The following TLCD3A variants were observed in gnomAD, a reference collection of about 807,000 sequenced individuals.
TLCD3A encodes TLC domain-containing protein 3A.
TLCD3A carries 17 observed loss-of-function variants against 29.9 expected under a neutral mutation model. The observed-to-expected ratio is 0.57, with a 90% confidence interval of 0.39 to 0.85. The LOEUF (loss-of-function observed/expected upper bound fraction) is 0.85. TLCD3A is among the 40% of genes least tolerant of loss of function. The probability of loss-of-function intolerance (pLI) is 0.00; values close to 1 mark genes in which losing one functional copy is unlikely to be tolerated. For missense variants in TLCD3A, 332 were observed against 350.8 expected (o/e 0.95, Z 0.43); for synonymous variants, 143 against 147.7 (o/e 0.97, Z 0.23).
Position 740,586 on chromosome 17 carries a change from A to G in TLCD3A, c.490A>G (p.Arg164Gly). ...GAGCACTCCGTTTGTGTCGCTGGGC[A>G]GGGTTCTGATTCAGGCATGTATGAA... ...ELSTPFVSLG[R>G]VLIQLKQQHT... is the part of the protein sequence containing the mutation. Residue 164 changes from arginine (R) to glycine (G), a missense_variant, in exon 4 of 5, where the codon AGG (arginine) becomes GGG (glycine). By Grantham distance (125) the Arg-to-Gly change is moderately radical. Coordinates refer to ENST00000308278, the MANE Select transcript of TLCD3A (RefSeq NM_024792.3). 1 of 1,613,950 alleles carries G rather than the reference A, an allele frequency of 6.2e-7. No homozygotes were observed. Among genetic ancestry groups the G allele is most frequent in the Non-Finnish European group, 8.5e-7 (1 of 1,179,928 alleles).
intron 2 of TLCD3A, among the ~76,000 whole-genome samples, chr17:737,104 C>T (rs997696903): frequency 1.3e-5 from 2 of 151,534 alleles, no homozygotes; most frequent in African/African-American, 2.4e-5. Flanking sequence ...CTCCGCCTCC[C>T]GGGTTCAAGT....
In TLCD3A at chr17:742,038, G is replaced by T; in HGVS notation, c.*468G>T. The T allele has an allele frequency of 5.3e-6, 1 of 187,588 alleles. No homozygotes were observed. Among genetic ancestry groups the T allele is most frequent in the Non-Finnish European group, 1.1e-5 (1 of 89,708 alleles). The allele number at this position is 187,588 out of a possible 1,614,324, so 11.6% of individuals were successfully genotyped here. A position where few individuals can be genotyped will look rare whatever the true frequency, so the allele number is the denominator to read the frequency against. ...AATGTCGTCTTGTGACATTGGCCTG[G>T]GACAATCATTGTGGGTAGGTAGTTA... On this transcript the variant is annotated 3_prime_UTR_variant, in exon 5 of 5. Coordinates refer to ENST00000308278, the MANE Select transcript of TLCD3A (RefSeq NM_024792.3).
At position 737,957 on chromosome 17, in the gene TLCD3A, C is replaced by G. The variant is rs369232580; in HGVS notation, c.318C>G (p.Pro106=). The stretch of plus-strand genomic sequence containing the variant: ...GAACCAGAGACCAGAACCGTGCGCC[C>G]TCCCTCACTCTTCGAAACTTCCTAA... ...WCRTRDQNRA[P]SLTLRNFLSR... is the part of the protein sequence containing the mutation. The change falls in exon 3 of 5, where the codon CCC becomes CCG. Residue 106 remains proline (P), a synonymous_variant. Transcript: ENST00000308278. The G allele has an allele frequency of 2.4e-5, 38 of 1,614,126 alleles. No homozygotes were observed. The highest frequency in any genetic ancestry group is 3.2e-5 in the Non-Finnish European group (38 of 1,180,030).
intron 1 of TLCD3A, 33 bp downstream of exon 1, chr17:732,802 C>T: frequency 1.4e-6 from 2 of 1,430,576 alleles, no homozygotes; most frequent in Non-Finnish European, 1.8e-6. Context: ...CCCCGAGGCC[C>T]GGGGCGCTGC....
At chr17:733,944 G>C (rs1310298555) in intron 2 of TLCD3A, among the ~76,000 whole-genome samples, 3 of 152,194 alleles carry the variant, frequency 2.0e-5, no homozygotes, top group Admixed American at 2.0e-4. Flanking sequence ...GCCAAGTCCT[G>C]CTTCTCACCT....
At chr17:733,067 G>A (rs778380963) in intron 1 of TLCD3A, 31 bp from the exon 2 acceptor site, 2 of 1,521,688 alleles carry the variant, frequency 1.3e-6, no homozygotes, top group South Asian at 2.4e-5. Context: ...ACCGGACTGA[G>A]CGCGCGCGCT....
chr17:740,206 T>C (rs1223536358), intron 3 of TLCD3A, among the ~76,000 whole-genome samples: 1 of 152,088 alleles, frequency 6.6e-6, no homozygotes, highest in African/African-American at 2.4e-5. Context: ...ACAGGCTGAG[T>C]GTCTTGGCAT....
At chr17:735,439 A>G (rs1974139252) in intron 2 of TLCD3A, among the ~76,000 whole-genome samples, 1 of 152,238 alleles carries the variant, frequency 6.6e-6, no homozygotes. Flanking sequence ...TATAATCCAG[A>G]TCTCTTGCTA....
intron 2 of TLCD3A, 83 bp downstream of exon 2, chr17:733,264 GAAAGCTGACTAATGGGA>G: frequency 7.7e-7 from 1 of 1,296,936 alleles, no homozygotes; most frequent in South Asian, 1.5e-5. Context: ...CACGCGCTCA[GAAAGCTGACTAATGGGA>G]AAAGCTGGCA....
intron 2 of TLCD3A, among the ~76,000 whole-genome samples, chr17:733,904 C>T (rs976640469): frequency 1.3e-5 from 2 of 152,216 alleles, no homozygotes; most frequent in African/African-American, 4.8e-5. Context: ...GTTGAACGGC[C>T]TTTCCAGGCC....
In TLCD3A at chr17:741,752, T is replaced by C. The variant is rs530952790; in HGVS notation, c.*182T>C. 6.6e-5 allele frequency: 47 copies of C among 715,314 alleles called. No homozygotes were observed. Among genetic ancestry groups the C allele is most frequent in the Non-Finnish European group, 1.0e-4 (46 of 441,622 alleles). 44.3% of individuals were successfully genotyped at this position (715,314 alleles called of 1,614,324 possible). On this transcript the variant is annotated 3_prime_UTR_variant, in exon 5 of 5. Transcript: ENST00000308278. ...AACTTGCCCTATTTGCAAAAGCACT[T>C]TTGTAGTAACAACTATTGGGTCCTG...
chr17:741,733 C>A lies in TLCD3A; in HGVS notation c.*163C>A. The A allele has an allele frequency of 2.3e-6, 2 of 882,394 alleles. No homozygotes were observed. Among genetic ancestry groups the A allele is most frequent in the African/African-American group, 1.7e-5 (1 of 59,144 alleles). 54.7% of individuals were successfully genotyped at this position (882,394 alleles called of 1,614,324 possible). A position where few individuals can be genotyped will look rare whatever the true frequency, so the allele number is the denominator to read the frequency against. On this transcript the variant is annotated 3_prime_UTR_variant, in exon 5 of 5. Transcript: ENST00000308278. ...CATATTACCTCCTTCTTCTAACTTG[C>A]CCTATTTGCAAAAGCACTTTTGTAG...
intron 2 of TLCD3A, among the ~76,000 whole-genome samples, chr17:736,087 C>T (rs12600794): frequency 0.19 from 29,066 of 151,420 alleles, 3,279 homozygotes; most frequent in Non-Finnish European, 0.26. Flanking sequence ...TCATTATTTA[C>T]GCCGTGGTAA....
In TLCD3A at chr17:742,610, C is replaced by T. The variant is rs113201579; in HGVS notation, c.*1040C>T. On this transcript the variant is annotated 3_prime_UTR_variant, in exon 5 of 5. Transcript: ENST00000308278. Reference sequence around the variant, plus strand: ...CCTGCCATTTAGCCACAGAAGGCTGCGGAGTGAGGCGGCAGCTAGCCTGGC... The same window carrying T: ...CCTGCCATTTAGCCACAGAAGGCTGTGGAGTGAGGCGGCAGCTAGCCTGGC... 2,363 of 152,448 alleles carry T rather than the reference C, an allele frequency of 0.016. 30 individuals carry two copies. Among genetic ancestry groups the T allele is most frequent in the Non-Finnish European group, 0.024 (1,628 of 68,028 alleles). The allele number at this position is 152,448 out of a possible 1,614,324, so 9.4% of individuals were successfully genotyped here. A position where few individuals can be genotyped will look rare whatever the true frequency, so the allele number is the denominator to read the frequency against.
In TLCD3A at chr17:733,189, C is replaced by T. The variant is rs776282878; in HGVS notation, c.206+8C>T. ...CGACGTGATCACCGGCAGGTAAGAG[C>T]CCGGGCCGGGGCCTTGTTGCAAATG... On this transcript the variant is annotated splice_region_variant and intron_variant, in intron 2 of 4. Coordinates refer to ENST00000308278, the MANE Select transcript of TLCD3A (RefSeq NM_024792.3). 2 of 1,540,276 alleles carry T rather than the reference C, an allele frequency of 1.3e-6. No homozygotes were observed. The highest frequency in any genetic ancestry group is 2.4e-5 in the South Asian group (2 of 82,564).
intron 2 of TLCD3A, among the ~76,000 whole-genome samples, chr17:733,440 G>A (rs892565050): frequency 6.6e-6 from 1 of 152,212 alleles, no homozygotes; most frequent in African/African-American, 2.4e-5. Context: ...AGAGATAAGC[G>A]TGGAAGCATT....
chr17:741,002 C>T (rs1469725521), intron 4 of TLCD3A, among the ~76,000 whole-genome samples: 1 of 152,210 alleles, frequency 6.6e-6, no homozygotes, highest in Non-Finnish European at 1.5e-5. Context: ...TCCCTGGTTA[C>T]ACACATACTT....
intron 3 of TLCD3A, among the ~76,000 whole-genome samples, chr17:738,493 G>A (rs1974199797): frequency 6.6e-6 from 1 of 152,102 alleles, no homozygotes; most frequent in African/African-American, 2.4e-5. Flanking sequence ...CTGCTTCAGA[G>A]CCACCTCCCC....
intron 3 of TLCD3A, 93 bp downstream of exon 3, chr17:738,140 A>G (rs1258041723): frequency 1.1e-5 from 10 of 928,110 alleles, no homozygotes; most frequent in Non-Finnish European, 1.5e-5. Flanking sequence ...CTGCCGCCCC[A>G]GCTGGAGTGC....
Sources: allele counts gnomAD v4.1 joint callset (sites outside exome capture counted in the v4.1 genomes callset), GRCh38; gene constraint gnomAD v4.1.1; transcripts MANE v1.5; gene names NCBI Gene and HGNC (gene_info 2026-07-23, HGNC 2026-07-21).